SLC8A1: variants seen among roughly 807,000 people sequenced by gnomAD.
SLC8A1 encodes solute carrier family 8 member A1.
SLC8A1 carries 18 observed loss-of-function variants against 68.3 expected under a neutral mutation model. That is an observed-to-expected ratio of 0.26 (90% CI 0.18 to 0.39). The LOEUF (loss-of-function observed/expected upper bound fraction) is 0.39. Among genes scored for constraint, SLC8A1 ranks in the 10% least tolerant of loss-of-function variants. SLC8A1 has a pLI of 1.00. For synonymous variants in SLC8A1, 475 were observed against 415.5 expected (o/e 1.14, Z -1.74); for missense variants, 985 against 1,156.7 (o/e 0.85, Z 2.15).
At chr2:40,463,323 G>T (rs561000145) in intron 1 of SLC8A1, among the ~76,000 whole-genome samples, 10 of 152,290 alleles carry the variant, frequency 6.6e-5, no homozygotes, top group Admixed American at 2.0e-4. Flanking sequence ...CACGCAGCCA[G>T]TGAGGGAGAA....
At chr2:40,384,525 G>C (rs1682952827) in intron 2 of SLC8A1, among the ~76,000 whole-genome samples, 1 of 151,998 alleles carries the variant, frequency 6.6e-6, no homozygotes, top group Non-Finnish European at 1.5e-5. Flanking sequence ...AAAGAACATA[G>C]AAGACAGAAC....
chr2:40,175,210 G>A (rs372055819), intron 3 of SLC8A1, 51 bp downstream of exon 4: 201 of 1,572,488 alleles, frequency 1.3e-4, no homozygotes, highest in Non-Finnish European at 1.7e-4. Context: ...TGACGGAAAT[G>A]GAAAATAATC....
intron 7 of SLC8A1, among the ~76,000 whole-genome samples, chr2:40,128,796 A>G (rs754719334): frequency 1.1e-4 from 17 of 152,250 alleles, no homozygotes; most frequent in Non-Finnish European, 1.9e-4. Context: ...TTACAAATAT[A>G]TAGAGAGAGA....
chr2:40,163,727 C>T (rs994822273), intron 5 of SLC8A1, among the ~76,000 whole-genome samples: 1 of 152,174 alleles, frequency 6.6e-6, no homozygotes, highest in African/African-American at 2.4e-5. Context: ...GAAGAGTTAA[C>T]AGACAGATTC....
chr2:40,372,103 G>T (rs912965228), intron 2 of SLC8A1, among the ~76,000 whole-genome samples: 7 of 152,122 alleles, frequency 4.6e-5, no homozygotes, highest in Non-Finnish European at 1.0e-4. Context: ...GGAAAGATTA[G>T]ATAGCTTGCT....
upstream of SLC8A1, chr2:40,453,483 G>C (rs2149884950): frequency 6.6e-6 from 1 of 152,320 alleles, no homozygotes; most frequent in South Asian, 2.1e-4. Context: ...CAACAAAGAG[G>C]GGGCGGAATG....
chr2:40,126,390 T>A (rs1407901003), intron 7 of SLC8A1, among the ~76,000 whole-genome samples: 1 of 152,220 alleles, frequency 6.6e-6, no homozygotes, highest in Non-Finnish European at 1.5e-5. Context: ...TGATCATTTG[T>A]TGGATATTCC....
chr2:40,353,036 G>A lies in SLC8A1; in HGVS notation c.1808+75437C>T, dbSNP rs1053235863. ...GGCCTTATCTTTGATTTCCTGAAGG[G>A]GTGGAGCTCTCACAGCCTTGCTTTT... On this transcript the variant is annotated intron_variant, in intron 2 of 7. Coordinates refer to ENST00000406785, the Ensembl canonical transcript of SLC8A1. Among the ~76,000 whole-genome samples the A allele has an allele frequency of 2.6e-5, 4 of 152,174 alleles. No individual in the cohort carries two copies. In the South Asian group the frequency reaches 8.3e-4, roughly 32 times the overall value.
intron 1 of SLC8A1, among the ~76,000 whole-genome samples, chr2:40,466,063 T>C (rs1703651775): frequency 6.6e-6 from 1 of 152,152 alleles, no homozygotes; most frequent in South Asian, 2.1e-4. Context: ...CCTCCATAAC[T>C]ATCAGAAAAT....
At chr2:40,268,559 T>C (rs1329381893) in intron 2 of SLC8A1, among the ~76,000 whole-genome samples, 3 of 152,174 alleles carry the variant, frequency 2.0e-5, no homozygotes, top group Non-Finnish European at 4.4e-5. Context: ...TGTGGATAAT[T>C]CTCTATATTC....
intron 2 of SLC8A1, among the ~76,000 whole-genome samples, chr2:40,313,633 G>C (rs2074042646): frequency 6.6e-6 from 1 of 151,834 alleles, no homozygotes. Context: ...GAACTGCTGG[G>C]TTCAAGCGAA....
chr2:40,299,317 A>G (rs1397642779), intron 2 of SLC8A1, among the ~76,000 whole-genome samples: 1 of 152,174 alleles, frequency 6.6e-6, no homozygotes, highest in Non-Finnish European at 1.5e-5. Context: ...ATCTGCCTGC[A>G]TTCTACAGAG....
chr2:40,464,423 C>T (rs1703537122), intron 1 of SLC8A1, among the ~76,000 whole-genome samples: 1 of 152,198 alleles, frequency 6.6e-6, no homozygotes, highest in East Asian at 1.9e-4. Flanking sequence ...AACAATTAGA[C>T]CCAGTCTACT....
intron 2 of SLC8A1, among the ~76,000 whole-genome samples, chr2:40,385,280 A>T (rs1418044529): frequency 6.6e-6 from 1 of 151,680 alleles, no homozygotes; most frequent in Non-Finnish European, 1.5e-5. Context: ...TATAAGGAAC[A>T]GTTTTTGAGA....
intron 1 of SLC8A1, among the ~76,000 whole-genome samples, chr2:40,488,694 A>AT (rs1481128203): frequency 6.6e-6 from 1 of 152,168 alleles, no homozygotes; most frequent in African/African-American, 2.4e-5. Context: ...ATCGTCTTGG[A>AT]TTTTAAAGGT....
intron 1 of SLC8A1, among the ~76,000 whole-genome samples, chr2:40,459,207 C>T (rs1159948650): frequency 6.6e-6 from 1 of 152,072 alleles, no homozygotes; most frequent in African/African-American, 2.4e-5. Flanking sequence ...TATGGAGAAA[C>T]TGCTATGAAG....
chr2:40,197,869 A>G (rs1195566325), intron 2 of SLC8A1, among the ~76,000 whole-genome samples: 1 of 152,138 alleles, frequency 6.6e-6, no homozygotes. Context: ...TCAAGACAGG[A>G]TCTATTGACA....
chr2:40,226,884 G>A (rs1382234881), intron 2 of SLC8A1, among the ~76,000 whole-genome samples: 2 of 152,140 alleles, frequency 1.3e-5, no homozygotes, highest in Non-Finnish European at 2.9e-5. Context: ...ATGGCCTGGA[G>A]CTATAATAAA....
chr2:40,183,756 C>G (rs951454344), intron 2 of SLC8A1, among the ~76,000 whole-genome samples: 6 of 152,164 alleles, frequency 3.9e-5, no homozygotes, highest in Non-Finnish European at 7.3e-5. Context: ...TTGGACCCAG[C>G]TGCATATTAG....
Sources: allele counts gnomAD v4.1 joint callset (sites outside exome capture counted in the v4.1 genomes callset), GRCh38; gene constraint gnomAD v4.1.1; transcripts MANE v1.5; gene names NCBI Gene and HGNC (gene_info 2026-07-23, HGNC 2026-07-21).